The following C8A variants were observed in gnomAD, a reference collection of about 807,000 sequenced individuals.
C8A encodes complement component C8 alpha chain.
In C8A, 67 loss-of-function variants were observed where a neutral mutation model predicts 65.3. The observed-to-expected ratio is 1.03, with a 90% CI of 0.84 to 1.26. The LOEUF (loss-of-function observed/expected upper bound fraction) is 1.26, where lower values mean the gene tolerates loss of function less well. Among genes scored for constraint, C8A ranks in the 50% most tolerant of loss-of-function variants. The pLI, the probability that C8A is intolerant of heterozygous loss-of-function variation, is 0.00. For missense variants in C8A, 781 were observed against 723.9 expected, an observed-to-expected ratio of 1.08 and a Z score of -0.90; for synonymous variants, 290 against 259.4, an observed-to-expected ratio of 1.12 and a Z score of -1.13.
In C8A at chr1:56,875,047, T is replaced by C; in HGVS notation, c.270T>C (p.Cys90=). The C allele has an allele frequency of 6.2e-7, 1 of 1,613,736 alleles. No homozygotes were observed. Among genetic ancestry groups the C allele is most frequent in the Non-Finnish European group, 8.5e-7 (1 of 1,179,798 alleles). The part of the protein sequence containing the change: ...DQASCSSSTT[C]VRQAQCGQDF... ...CCAGCTGCTCCAGTTCTACAACTTG[T>C]GTAAGGCAAGCACAGTGTGGACAGG... The change falls in exon 3 of 11, where the codon TGT becomes TGC. Residue 90 remains cysteine, a synonymous_variant. Coordinates refer to ENST00000361249, the MANE Select transcript of C8A (RefSeq NM_000562.3).
chr1:56,907,337 T>C (rs1394300508), intron 8 of C8A, among the ~76,000 whole-genome samples: 2 of 152,230 alleles, frequency 1.3e-5, no homozygotes, highest in Non-Finnish European at 2.9e-5. Flanking sequence ...AAGAAGTTTA[T>C]AATGCAGTGG....
intron 7 of C8A, among the ~76,000 whole-genome samples, chr1:56,905,125 T>C (rs1046049176): frequency 2.0e-5 from 3 of 152,172 alleles, no homozygotes; most frequent in Non-Finnish European, 4.4e-5. Flanking sequence ...ATTAAAAGTG[T>C]TTGAATGGAA....
intron 3 of C8A, among the ~76,000 whole-genome samples, 157 bp downstream of exon 3, chr1:56,875,250 G>A (rs1188235687): frequency 1.3e-5 from 2 of 152,144 alleles, no homozygotes; most frequent in African/African-American, 2.4e-5. Context: ...TGCATTTTAA[G>A]CCAAGCCAGC....
intron 4 of C8A, among the ~76,000 whole-genome samples, chr1:56,877,276 C>A (rs1318814067): frequency 1.3e-5 from 2 of 152,084 alleles, no homozygotes; most frequent in Non-Finnish European, 2.9e-5. Flanking sequence ...GTGGCAGCCC[C>A]TGCAGACTAG....
chr1:56,908,473 T>C (rs1216051083), intron 9 of C8A, among the ~76,000 whole-genome samples: 2 of 152,220 alleles, frequency 1.3e-5, no homozygotes, highest in South Asian at 2.1e-4. Context: ...CTGTAAAAGG[T>C]CAGATAGTAA....
intron 10 of C8A, among the ~76,000 whole-genome samples, chr1:56,915,212 A>G (rs144475265): frequency 4.6e-5 from 7 of 152,314 alleles, no homozygotes; most frequent in African/African-American, 1.7e-4. Flanking sequence ...AGGGGATAGA[A>G]TCTGGGTTCC....
In C8A at chr1:56,917,849, C is replaced by A; in HGVS notation, c.*133C>A. ...TTTCTTTGTTCTGCCAGCTTCCAGG[C>A]CTAAGACTAGGTTTTGCTGTCTACA... On this transcript the variant is annotated 3_prime_UTR_variant, in exon 11 of 11. Transcript: ENST00000361249. 2 of 1,111,438 alleles carry A rather than the reference C, an allele frequency of 1.8e-6. No individual in the cohort carries two copies. Among genetic ancestry groups the A allele is most frequent in the Non-Finnish European group, 2.6e-6 (2 of 762,298 alleles). 68.8% of individuals were successfully genotyped at this position (1,111,438 alleles called of 1,614,324 possible).
intron 7 of C8A, among the ~76,000 whole-genome samples, chr1:56,904,559 A>C (rs1236904996): frequency 6.6e-6 from 1 of 152,222 alleles, no homozygotes; most frequent in Non-Finnish European, 1.5e-5. Flanking sequence ...CTTTTGTCTG[A>C]GGCAATAACT....
chr1:56,880,622 G>C (rs1644239833), intron 4 of C8A, among the ~76,000 whole-genome samples: 2 of 152,106 alleles, frequency 1.3e-5, no homozygotes, highest in African/African-American at 4.8e-5. Flanking sequence ...CTGAGGATTA[G>C]AGTCTCAACC....
intron 1 of C8A, among the ~76,000 whole-genome samples, chr1:56,860,847 T>C (rs541052895): frequency 1.3e-5 from 2 of 152,274 alleles, no homozygotes; most frequent in Admixed American, 6.5e-5. Context: ...GACTGCACTT[T>C]GAGGAATTCC....
chr1:56,896,870 A>C (rs1644390641), intron 7 of C8A, among the ~76,000 whole-genome samples: 1 of 152,198 alleles, frequency 6.6e-6, no homozygotes. Flanking sequence ...GGCAGGTGGC[A>C]CGCTGAGCCC....
In C8A at chr1:56,878,371, T is replaced by C. The variant is rs17114506; in HGVS notation, c.464+2162T>C. Among the ~76,000 whole-genome samples, 1,217 of 152,304 alleles carry C rather than the reference T, an allele frequency of 8.0e-3. 7 individuals carry two copies. The highest frequency in any genetic ancestry group is 0.024 in the Middle Eastern group (7 of 294). ...GATTCTTGTTGATTTCAAAAGTGAC[T>C]ATAGAGTAAACAATAGAAGTGTGAA... On this transcript the variant is annotated intron_variant, in intron 4 of 10. Transcript: ENST00000361249.
chr1:56,876,132 C>T lies in C8A; in HGVS notation c.387C>T (p.Asp129=), dbSNP rs1336251485. The change falls in exon 4 of 11, where the codon GAC becomes GAT. Residue 129 remains aspartate, a synonymous_variant. Transcript: ENST00000361249. ...GCCTTGATGGCTCTGATGAGGACGA[C>T]TGTGAAGATGTCAGGGCCATTGACG... ...QDCLDGSDED[D]CEDVRAIDED... 1.9e-6 allele frequency: 3 copies of T among 1,613,886 alleles called. No homozygotes were observed. Among genetic ancestry groups the T allele is most frequent in the South Asian group, 2.2e-5 (2 of 91,074 alleles).
chr1:56,855,758 T>A, intron 1 of C8A, among the ~76,000 whole-genome samples: 1 of 152,212 alleles, frequency 6.6e-6, no homozygotes, highest in South Asian at 2.1e-4. Flanking sequence ...TTAAATAGAA[T>A]TATTTAATTC....
intron 1 of C8A, among the ~76,000 whole-genome samples, chr1:56,864,040 T>C (rs1387949618): frequency 1.3e-5 from 2 of 152,202 alleles, no homozygotes; most frequent in Non-Finnish European, 2.9e-5. Context: ...TCTGCATTCA[T>C]AGAGCCTAGA....
At chr1:56,906,631 C>T (rs745939546) in intron 7 of C8A, 36 bp from the exon 8 acceptor site, 1 of 1,613,328 alleles carries the variant, frequency 6.2e-7, no homozygotes, top group South Asian at 1.1e-5. Context: ...CTTTTAATAA[C>T]TCAGCATTTT....
chr1:56,877,347 C>T (rs768678107), intron 4 of C8A, among the ~76,000 whole-genome samples: 1 of 152,134 alleles, frequency 6.6e-6, no homozygotes, highest in Non-Finnish European at 1.5e-5. Flanking sequence ...CTGCTCTTGA[C>T]TTTGCCTAGG....
chr1:56,893,354 A>C (rs1410747402), intron 7 of C8A, among the ~76,000 whole-genome samples: 1 of 152,180 alleles, frequency 6.6e-6, no homozygotes, highest in Admixed American at 6.6e-5. Flanking sequence ...TGAAATTAAG[A>C]AACATGCCAG....
At chr1:56,871,462 G>A (rs1887977) in intron 2 of C8A, among the ~76,000 whole-genome samples, 25,435 of 152,162 alleles carry the variant, frequency 0.17, 2,620 homozygotes, top group East Asian at 0.35. Context: ...CTATTATTGA[G>A]TGTATATCAG....
Sources: allele counts gnomAD v4.1 joint callset (sites outside exome capture counted in the v4.1 genomes callset), GRCh38; gene constraint gnomAD v4.1.1; transcripts MANE v1.5; gene names NCBI Gene and HGNC (gene_info 2026-07-23, HGNC 2026-07-21).